Variants in RIMS1 observed in about 807,000 individuals in gnomAD.
RIMS1 encodes the protein regulating synaptic membrane exocytosis protein 1.
Under a neutral mutation model 214.1 loss-of-function variants are expected in RIMS1, and 83 were observed. The observed-to-expected ratio is 0.39, with a 90% CI of 0.32 to 0.47. The LOEUF (loss-of-function observed/expected upper bound fraction) is 0.47. RIMS1 is among the 20% of genes least tolerant of loss of function. The pLI is 0.99. For synonymous variants in RIMS1, 793 were observed against 786.8 expected (o/e 1.01, Z -0.13); for missense variants, 2,050 against 2,161.8 (o/e 0.95, Z 1.03).
chr6:72,382,080 T>G (rs2098500424), intron 29 of RIMS1, among the ~76,000 whole-genome samples: 1 of 152,194 alleles, frequency 6.6e-6, no homozygotes, highest in African/African-American at 2.4e-5. Context: ...ACTGTATTCT[T>G]TCATTAGAAA....
rs189023182 is a variant in RIMS1 at position 72,376,328 on chromosome 6, A to G, written c.4367-14270A>G. 7.2e-5 allele frequency among the ~76,000 whole-genome samples: 11 copies of G among 152,256 alleles called. No individual in the cohort carries two copies. The East Asian group carries it at 7.7e-4, about 11-fold the overall frequency. On this transcript the variant is annotated intron_variant, in intron 29 of 33. Transcript: ENST00000521978. ...CATGAGGAATATTTTGTCTGGGTCT[A>G]TAGATTTTCCCAGTCCCCGGTGTGT...
At chr6:72,236,432 C>T (rs2064069222) in intron 8 of RIMS1, among the ~76,000 whole-genome samples, 1 of 152,128 alleles carries the variant, frequency 6.6e-6, no homozygotes, top group Non-Finnish European at 1.5e-5. Flanking sequence ...CATAGACCTA[C>T]ATTTTACTAC....
chr6:72,109,675 C>T (rs1041107139), intron 4 of RIMS1, among the ~76,000 whole-genome samples: 1 of 151,974 alleles, frequency 6.6e-6, no homozygotes, highest in African/African-American at 2.4e-5. Flanking sequence ...GATGGTAGTT[C>T]CTGTTGCTGT....
chr6:71,949,584 A>G (rs1788846241), intron 1 of RIMS1, among the ~76,000 whole-genome samples: 1 of 152,198 alleles, frequency 6.6e-6, no homozygotes, highest in African/African-American at 2.4e-5. Flanking sequence ...CTCTTCACAG[A>G]CATATAGGAA....
At chr6:72,251,113 T>C in intron 14 of RIMS1, 21 bp downstream of exon 14, 1 of 1,564,652 alleles carries the variant, frequency 6.4e-7, no homozygotes, top group Non-Finnish European at 8.7e-7. Flanking sequence ...TTTTAAAAAC[T>C]CAAGTCAAAT....
At chr6:71,942,942 T>C (rs899090881) in intron 1 of RIMS1, among the ~76,000 whole-genome samples, 2 of 151,948 alleles carry the variant, frequency 1.3e-5, no homozygotes, top group African/African-American at 4.8e-5. Flanking sequence ...TAACGACTTG[T>C]GCTTTAAAAA....
chr6:72,181,332 G>A (rs1282640068), intron 5 of RIMS1, among the ~76,000 whole-genome samples: 3 of 152,170 alleles, frequency 2.0e-5, no homozygotes, highest in Non-Finnish European at 2.9e-5. Flanking sequence ...AGAAAGGATA[G>A]AAAGGACACC....
chr6:72,317,802 T>G (rs543548357), intron 28 of RIMS1, among the ~76,000 whole-genome samples: 86 of 152,276 alleles, frequency 5.6e-4, no homozygotes, highest in African/African-American at 2.0e-3. Context: ...TTACTACTCT[T>G]TTGCCTATTC....
intron 29 of RIMS1, among the ~76,000 whole-genome samples, chr6:72,352,911 C>T (rs1014903726): frequency 1.3e-4 from 19 of 151,384 alleles, no homozygotes; most frequent in African/African-American, 4.6e-4. Context: ...CACTAACTGA[C>T]TGTCACACAC....
At chr6:71,982,311 G>T (rs1339196917) in intron 2 of RIMS1, among the ~76,000 whole-genome samples, 1 of 152,090 alleles carries the variant, frequency 6.6e-6, no homozygotes, top group Non-Finnish European at 1.5e-5. Context: ...AAATGTTCAG[G>T]CTTGGAAAAC....
chr6:71,904,261 G>A (rs931881680), intron 1 of RIMS1, among the ~76,000 whole-genome samples: 7 of 152,132 alleles, frequency 4.6e-5, no homozygotes, highest in South Asian at 4.1e-4. Context: ...ACTCTGAGAT[G>A]GAGATTATTG....
intron 23 of RIMS1, among the ~76,000 whole-genome samples, chr6:72,282,886 A>AACACACAGCTG (rs2090833968): frequency 6.6e-6 from 1 of 152,064 alleles, no homozygotes; most frequent in Admixed American, 6.6e-5. Context: ...TGAGTCTGAA[A>AACACACAGCTG]ACACACAGCT....
chr6:71,968,425 A>C (rs1795012108), intron 1 of RIMS1, among the ~76,000 whole-genome samples: 2 of 151,572 alleles, frequency 1.3e-5, no homozygotes, highest in African/African-American at 4.8e-5. Flanking sequence ...ACACACACAC[A>C]CTCTTTATAT....
intron 28 of RIMS1, among the ~76,000 whole-genome samples, chr6:72,324,057 TA>T (rs1049563681): frequency 2.0e-5 from 3 of 151,604 alleles, no homozygotes; most frequent in African/African-American, 4.8e-5. Context: ...GATAGATAGA[TA>T]GATAGATAGA....
chr6:72,383,620 A>AC (rs2098533395), intron 29 of RIMS1, among the ~76,000 whole-genome samples: 1 of 150,998 alleles, frequency 6.6e-6, no homozygotes, highest in South Asian at 2.1e-4. Flanking sequence ...AAAAAAAAAA[A>AC]AAAAAAAAAA....
At chr6:72,364,284 G>A (rs750957436) in intron 29 of RIMS1, among the ~76,000 whole-genome samples, 1 of 152,034 alleles carries the variant, frequency 6.6e-6, no homozygotes, top group Non-Finnish European at 1.5e-5. Flanking sequence ...ACGAGGAAAT[G>A]TATCACTGGG....
At chr6:72,003,614 G>A (rs1300350234) in intron 2 of RIMS1, among the ~76,000 whole-genome samples, 1 of 151,884 alleles carries the variant, frequency 6.6e-6, no homozygotes, top group Non-Finnish European at 1.5e-5. Flanking sequence ...GTGTGTCTGT[G>A]TGTGTGTGTG....
In RIMS1 at chr6:72,179,760, G is replaced by A; in HGVS notation, c.657G>A (p.Gln219=). ...KARLQERSRS[Q]TPLSTAAASS... is the part of the protein sequence containing the mutation. Reference sequence around the variant, plus strand: ...GACTCCAAGAGCGATCGCGGTCTCAGACACCCCTAAGCACAGCAGCTGCCT... The same window carrying A: ...GACTCCAAGAGCGATCGCGGTCTCAAACACCCCTAAGCACAGCAGCTGCCT... Residue 219 remains glutamine (Q), a synonymous_variant, in exon 5 of 34, where the codon CAG becomes CAA. Transcript: ENST00000521978. The A allele has an allele frequency of 3.1e-6, 5 of 1,613,854 alleles. No individual in the cohort carries two copies. The highest frequency in any genetic ancestry group is 3.4e-6 in the Non-Finnish European group (4 of 1,179,896).
In RIMS1 at chr6:71,951,661, ATTT is replaced by A. The variant is rs3076630; in HGVS notation, c.165-17307_165-17305del. On this transcript the variant is annotated intron_variant, in intron 1 of 33. Transcript: ENST00000521978. The stretch of plus-strand genomic sequence containing the variant: ...AGTTGTGCACCACCACGCTTAGCTA[ATTT>A]TTTTTTTTTTTTTTAATAGTGACAG... 5.3e-3 allele frequency among the ~76,000 whole-genome samples: 757 copies of A among 142,098 alleles called. 7 individuals are homozygous for A. Among genetic ancestry groups the A allele is most frequent in the Admixed American group, 0.022 (312 of 14,324 alleles). The allele number at this position is 142,098 out of a possible 152,430, so 93.2% of individuals were successfully genotyped here.
Sources: gnomAD v4.1 joint callset for allele counts (sites outside exome capture counted in the v4.1 genomes callset) on GRCh38, gnomAD v4.1.1 for gene constraint, MANE v1.5 for transcripts, NCBI Gene and HGNC (gene_info 2026-07-23, HGNC 2026-07-21) for gene names.